The following RAVER2 variants were observed in gnomAD, a reference collection of about 807,000 sequenced individuals.
The protein encoded by RAVER2 is ribonucleoprotein PTB-binding 2.
RAVER2 carries 46 observed loss-of-function variants against 78.1 expected under a neutral mutation model. The ratio of observed to expected loss-of-function variants is 0.59; its 90% CI spans 0.46 to 0.75. The LOEUF (loss-of-function observed/expected upper bound fraction) is 0.75, where lower values mean the gene tolerates loss of function less well. RAVER2 is among the 30% of genes least tolerant of loss of function. The pLI, the probability that RAVER2 is intolerant of heterozygous loss-of-function variation, is 0.00. For missense variants in RAVER2, 793 were observed against 837.5 expected (o/e 0.95, Z 0.66); for synonymous variants, 311 against 313.3 (o/e 0.99, Z 0.08).
intron 2 of RAVER2, among the ~76,000 whole-genome samples, chr1:64,772,357 A>T (rs1181252180): frequency 6.6e-6 from 1 of 152,132 alleles, no homozygotes; most frequent in Non-Finnish European, 1.5e-5. Flanking sequence ...AGAAAAGGAC[A>T]AAGAGATTTT....
At position 64,745,317 on chromosome 1, in the gene RAVER2, C is replaced by G. The variant is rs572495180; in HGVS notation, c.145C>G (p.Leu49Val). The change falls in exon 1 of 12, where the codon CTG becomes GTG. Residue 49 changes from leucine to valine, a missense_variant. Transcript: ENST00000294428. This position sits in a 1 kb window ranked among gnomAD's most constrained non-coding sequence, Gnocchi z 4.3. ...CGCCCCGGACCCGATGCCCGCCGCG[C>G]TGCACCCTGAGGAGGTCGCCGCGCG... 2.6e-6 allele frequency: 4 copies of G among 1,524,920 alleles called. No individual in the cohort carries two copies. The East Asian group carries it at 8.0e-5, about 30-fold the overall frequency. The allele number at this position is 1,524,920 out of a possible 1,614,324, so 94.5% of individuals were successfully genotyped here.
chr1:64,826,510 C>A (rs1654006637), intron 11 of RAVER2, among the ~76,000 whole-genome samples: 1 of 152,112 alleles, frequency 6.6e-6, no homozygotes, highest in African/African-American at 2.4e-5. Context: ...AGCAAGCAAC[C>A]TTTAGGGCAG....
chr1:64,754,038 T>G (rs1315887011), intron 1 of RAVER2, among the ~76,000 whole-genome samples: 3 of 152,196 alleles, frequency 2.0e-5, no homozygotes, highest in Non-Finnish European at 4.4e-5. Context: ...TTCCTCTGGA[T>G]GTCTATAATA....
chr1:64,768,201 C>T (rs1053915676), intron 1 of RAVER2, among the ~76,000 whole-genome samples: 1 of 151,724 alleles, frequency 6.6e-6, no homozygotes, highest in African/African-American at 2.4e-5. Context: ...CTTATTTCCA[C>T]AAGAGAGGCA....
chr1:64,778,753 C>G (rs1354500402), intron 3 of RAVER2, among the ~76,000 whole-genome samples: 1 of 148,998 alleles, frequency 6.7e-6, no homozygotes, highest in Non-Finnish European at 1.5e-5. Flanking sequence ...TTGATAGCAA[C>G]TGATCAATTA....
intron 5 of RAVER2, among the ~76,000 whole-genome samples, chr1:64,797,879 TC>T (rs1330153278): frequency 3.3e-5 from 5 of 152,196 alleles, no homozygotes; most frequent in African/African-American, 9.6e-5. Flanking sequence ...TACTGGCTAC[TC>T]CATCAATAAT....
chr1:64,827,586 A>G (rs1654031956), intron 11 of RAVER2, among the ~76,000 whole-genome samples: 3 of 152,254 alleles, frequency 2.0e-5, no homozygotes, highest in Admixed American at 2.0e-4. Flanking sequence ...ATGTAAAACT[A>G]GAATATTATA....
chr1:64,798,476 C>T (rs1027371090), intron 5 of RAVER2, among the ~76,000 whole-genome samples: 1 of 151,142 alleles, frequency 6.6e-6, no homozygotes, highest in Non-Finnish European at 1.5e-5. Context: ...ATTTCTAGTT[C>T]TAGATCCCTG....
intron 1 of RAVER2, among the ~76,000 whole-genome samples, chr1:64,749,852 G>A (rs914742831): frequency 1.3e-5 from 2 of 152,038 alleles, no homozygotes; most frequent in African/African-American, 4.8e-5. Flanking sequence ...ACCTGGTTCT[G>A]TTTCAATATT....
At chr1:64,751,455 T>G (rs1358460456) in intron 1 of RAVER2, among the ~76,000 whole-genome samples, 1 of 152,204 alleles carries the variant, frequency 6.6e-6, no homozygotes, top group African/African-American at 2.4e-5. Flanking sequence ...AGGGAAGCAT[T>G]AAATGAAGTC....
intron 9 of RAVER2, among the ~76,000 whole-genome samples, chr1:64,811,976 A>T (rs980068815): frequency 4.6e-5 from 7 of 152,220 alleles, no homozygotes; most frequent in African/African-American, 1.7e-4. Context: ...ATTTTGTTTG[A>T]CATTATTTTT....
At chr1:64,814,313 A>T (rs1002692163) in intron 10 of RAVER2, among the ~76,000 whole-genome samples, 2 of 150,848 alleles carry the variant, frequency 1.3e-5, no homozygotes, top group Admixed American at 6.6e-5. Context: ...ATGTCACCTA[A>T]GCCAATCTCG....
chr1:64,830,747 C>T, intron 11 of RAVER2, 92 bp from the exon 12 acceptor site: 1 of 1,194,312 alleles, frequency 8.4e-7, no homozygotes, highest in Non-Finnish European at 1.2e-6. Flanking sequence ...CTATATTCAC[C>T]AAGTCAAAGT....
At chr1:64,752,510 T>A (rs1371835047) in intron 1 of RAVER2, among the ~76,000 whole-genome samples, 3 of 152,196 alleles carry the variant, frequency 2.0e-5, no homozygotes, top group Non-Finnish European at 2.9e-5. Flanking sequence ...CTTCTGTTAC[T>A]TGCTGGGGCC....
Position 64,805,185 on chromosome 1 carries a change from TA to T in RAVER2, c.1411+81del, listed in dbSNP as rs1653383245. ...AGATAGTTTACCTATGTTCTAATTT[TA>T]TTTACAGGGAGGTCAAATTTGAGTT... On this transcript the variant is annotated intron_variant, in intron 8 of 11. Transcript: ENST00000294428. The T allele has an allele frequency of 7.7e-6, 10 of 1,301,986 alleles. No individual in the cohort carries two copies. The South Asian group carries it at 8.0e-5, about 10-fold the overall frequency. The allele number at this position is 1,301,986 out of a possible 1,614,324, so 80.7% of individuals were successfully genotyped here.
At chr1:64,823,081 T>C (rs1344086965) in intron 11 of RAVER2, among the ~76,000 whole-genome samples, 1 of 152,134 alleles carries the variant, frequency 6.6e-6, no homozygotes, top group East Asian at 1.9e-4. Context: ...GGGAGAGTGA[T>C]AAAAATACTC....
At chr1:64,796,766 G>A (rs146338640) in intron 5 of RAVER2, among the ~76,000 whole-genome samples, 11 of 151,778 alleles carry the variant, frequency 7.2e-5, no homozygotes, top group South Asian at 4.2e-4. Flanking sequence ...ATTGATTTCC[G>A]CTTTAATTAT....
At chr1:64,747,728 G>A (rs1651582238) in intron 1 of RAVER2, among the ~76,000 whole-genome samples, 2 of 151,990 alleles carry the variant, frequency 1.3e-5, no homozygotes, top group African/African-American at 2.4e-5. Flanking sequence ...TGACCAGGCC[G>A]GTCTTGAACT....
At chr1:64,745,079 GC>G (rs551040775), upstream of RAVER2, 478 of 994,074 alleles carry the variant, frequency 4.8e-4, 4 homozygotes, top group Admixed American at 0.016. The surrounding 1 kb of genome is among the most constrained non-coding windows in gnomAD (Gnocchi z 4.3). Flanking sequence ...TGCGGCCTCT[GC>G]CCGCCTCGCC....
Sources: allele counts gnomAD v4.1 joint callset (sites outside exome capture counted in the v4.1 genomes callset), GRCh38; gene constraint gnomAD v4.1.1; non-coding constraint Gnocchi (gnomAD v3.1); transcripts MANE v1.5; gene names NCBI Gene and HGNC (gene_info 2026-07-23, HGNC 2026-07-21).